Variants in CACNG2 observed in about 807,000 individuals in gnomAD.
The protein encoded by CACNG2 is voltage-dependent calcium channel gamma-2 subunit.
Under a neutral mutation model 25.9 loss-of-function variants are expected in CACNG2, and 3 were observed. The observed-to-expected ratio is 0.12, with a 90% confidence interval of 0.05 to 0.30. The LOEUF is 0.30. Ranked by LOEUF, CACNG2 falls within the 10% of genes least tolerant of loss-of-function variation. The pLI, the probability that CACNG2 is intolerant of heterozygous loss-of-function variation, is 1.00. For missense variants in CACNG2, 341 were observed against 432.5 expected, an observed-to-expected ratio of 0.79 and a Z score of 1.88; for synonymous variants, 167 against 173.3, an observed-to-expected ratio of 0.96 and a Z score of 0.29.
chr22:36,699,093 T>C (rs1937377424), intron 1 of CACNG2, among the ~76,000 whole-genome samples: 1 of 152,182 alleles, frequency 6.6e-6, no homozygotes, highest in Non-Finnish European at 1.5e-5. Flanking sequence ...CATCTTTCCA[T>C]GCAGAGACTC....
intron 1 of CACNG2, among the ~76,000 whole-genome samples, chr22:36,683,628 A>G (rs1252871509): frequency 1.3e-5 from 2 of 152,180 alleles, no homozygotes; most frequent in Non-Finnish European, 2.9e-5. Flanking sequence ...GCTTCTTCCA[A>G]GAAAACACCT....
chr22:36,580,965 A>G (rs146681302), intron 2 of CACNG2, among the ~76,000 whole-genome samples: 4,016 of 152,292 alleles, frequency 0.026, 75 homozygotes, highest in Middle Eastern at 0.061. Context: ...GTACCGAAAG[A>G]CACAGAACAC....
At chr22:36,668,162 C>T (rs1316883908) in intron 1 of CACNG2, among the ~76,000 whole-genome samples, 1 of 152,230 alleles carries the variant, frequency 6.6e-6, no homozygotes, top group East Asian at 1.9e-4. Flanking sequence ...CTCCTCTCTC[C>T]CTCCTTATCC....
At chr22:36,663,904 G>A (rs1299204092) in intron 1 of CACNG2, among the ~76,000 whole-genome samples, 1 of 152,154 alleles carries the variant, frequency 6.6e-6, no homozygotes, top group Admixed American at 6.5e-5. Flanking sequence ...GAAGAGGCTC[G>A]GAAGGAACCA....
chr22:36,634,371 G>A (rs191972332), intron 1 of CACNG2, among the ~76,000 whole-genome samples: 67 of 152,342 alleles, frequency 4.4e-4, no homozygotes, highest in Non-Finnish European at 8.4e-4. Flanking sequence ...AGGGGATCAT[G>A]GTGACTTCAG....
chr22:36,669,508 CAAA>C (rs1157379465), intron 1 of CACNG2, among the ~76,000 whole-genome samples: 2,027 of 61,624 alleles, frequency 0.033, 12 homozygotes, highest in Middle Eastern at 0.075. Flanking sequence ...ACTCTATCTC[CAAA>C]AAAAAAAAAA....
intron 1 of CACNG2, among the ~76,000 whole-genome samples, chr22:36,701,203 CT>C (rs533392091): frequency 3.2e-4 from 49 of 152,242 alleles, no homozygotes; most frequent in Admixed American, 2.3e-3. Flanking sequence ...ACATAAGCCT[CT>C]TTTTTTCCCC....
chr22:36,597,658 A>G (rs530521156), intron 1 of CACNG2, among the ~76,000 whole-genome samples: 1 of 152,238 alleles, frequency 6.6e-6, no homozygotes, highest in Non-Finnish European at 1.5e-5. Flanking sequence ...GATTGCCCTT[A>G]GCTGGGAAGA....
intron 1 of CACNG2, among the ~76,000 whole-genome samples, chr22:36,602,427 C>A (rs1935767874): frequency 6.6e-6 from 1 of 151,772 alleles, no homozygotes; most frequent in African/African-American, 2.4e-5. Flanking sequence ...GCTCTGTCAC[C>A]CAGGCTGGAG....
chr22:36,624,394 G>T (rs1936151847), intron 1 of CACNG2, among the ~76,000 whole-genome samples: 1 of 152,136 alleles, frequency 6.6e-6, no homozygotes, highest in Admixed American at 6.5e-5. Flanking sequence ...GTAGGGGAAT[G>T]CTCTCTTTTC....
intron 1 of CACNG2, among the ~76,000 whole-genome samples, chr22:36,592,140 G>A (rs1047029383): frequency 1.3e-5 from 2 of 151,526 alleles, no homozygotes; most frequent in East Asian, 3.9e-4. Flanking sequence ...AACAGGGAGA[G>A]GGTGGAATGG....
Position 36,606,823 on chromosome 22 carries a change from GTGTC to G in CACNG2, c.212-19279_212-19276del, listed in dbSNP as rs1408597810. Among the ~76,000 whole-genome samples the G allele has an allele frequency of 3.3e-5, 5 of 149,762 alleles. No individual in the cohort carries two copies. The East Asian group carries it at 9.7e-4, about 29-fold the overall frequency. ...GTGTGTGTATGTCTGTGTGATGTGT[GTGTC>G]TGTGGGTCTCTGTGTGTGTGTATGT... On this transcript the variant is annotated intron_variant, in intron 1 of 3. Coordinates refer to ENST00000300105, the MANE Select transcript of CACNG2 (RefSeq NM_006078.5). This position sits in a 1 kb window ranked among gnomAD's most constrained non-coding sequence, Gnocchi z 5.7.
chr22:36,675,525 C>A (rs1027351153), intron 1 of CACNG2, among the ~76,000 whole-genome samples: 2 of 152,226 alleles, frequency 1.3e-5, no homozygotes, highest in African/African-American at 4.8e-5. Flanking sequence ...GAACTGGGAG[C>A]ACTTCCAAGA....
intron 1 of CACNG2, among the ~76,000 whole-genome samples, chr22:36,689,715 T>C (rs1262162382): frequency 1.3e-5 from 2 of 152,230 alleles, no homozygotes; most frequent in Non-Finnish European, 2.9e-5. Flanking sequence ...CTCCCATCTC[T>C]CTGCAGCCAG....
In CACNG2 at chr22:36,606,448, A is replaced by G. The variant is rs1569027226; in HGVS notation, c.212-18900T>C. On this transcript the variant is annotated intron_variant, in intron 1 of 3. Coordinates refer to ENST00000300105, the MANE Select transcript of CACNG2 (RefSeq NM_006078.5). The surrounding 1 kb of genome is among the most constrained non-coding windows in gnomAD (Gnocchi z 5.7). Reference sequence around the variant, plus strand: ...AAGATTCATTGCTCGTGTAAGTGAAAGAGCTGGGCTCTGACCCCGGGCAGG... The same window carrying G: ...AAGATTCATTGCTCGTGTAAGTGAAGGAGCTGGGCTCTGACCCCGGGCAGG... Among the ~76,000 whole-genome samples, 1 of 152,314 alleles carries G rather than the reference A, an allele frequency of 6.6e-6. No homozygotes were observed. Among genetic ancestry groups the G allele is most frequent in the East Asian group, 1.9e-4 (1 of 5,180 alleles).
intron 1 of CACNG2, among the ~76,000 whole-genome samples, chr22:36,621,118 C>T (rs1936097272): frequency 6.6e-6 from 1 of 152,222 alleles, no homozygotes. Context: ...TAATGGATCT[C>T]TTATAGGTAT....
In CACNG2 at chr22:36,624,009, G is replaced by A. The variant is rs9622432; in HGVS notation, c.212-36461C>T. Among the ~76,000 whole-genome samples, 551 of 152,178 alleles carry A rather than the reference G, an allele frequency of 3.6e-3. 7 individuals carry two copies. The highest frequency in any genetic ancestry group is 0.013 in the African/African-American group (522 of 41,508). Reference sequence around the variant, plus strand: ...CCTTTTGGCTTGCAGATTCTAGACTGTACAGTTCCTAAGCGGCGACTCCTC... The same window carrying A: ...CCTTTTGGCTTGCAGATTCTAGACTATACAGTTCCTAAGCGGCGACTCCTC... On this transcript the variant is annotated intron_variant, in intron 1 of 3. Coordinates refer to ENST00000300105, the MANE Select transcript of CACNG2 (RefSeq NM_006078.5).
intron 1 of CACNG2, among the ~76,000 whole-genome samples, chr22:36,685,331 G>A (rs1451672539): frequency 6.6e-6 from 1 of 151,984 alleles, no homozygotes; most frequent in Non-Finnish European, 1.5e-5. Flanking sequence ...TCTCTCCCGG[G>A]GGCCTCTGCC....
chr22:36,628,252 A>G (rs965844795), intron 1 of CACNG2, among the ~76,000 whole-genome samples: 1 of 152,260 alleles, frequency 6.6e-6, no homozygotes, highest in Non-Finnish European at 1.5e-5. Flanking sequence ...TGAAAGGTAC[A>G]CAGTGACTAG....
Sources: allele counts gnomAD v4.1 joint callset (sites outside exome capture counted in the v4.1 genomes callset), GRCh38; gene constraint gnomAD v4.1.1; non-coding constraint Gnocchi (gnomAD v3.1); transcripts MANE v1.5; gene names NCBI Gene and HGNC (gene_info 2026-07-23, HGNC 2026-07-21).